MAP1B: variants seen among roughly 807,000 people sequenced by gnomAD.
MAP1B encodes the protein microtubule-associated protein 1B.
In MAP1B, 12 loss-of-function variants were observed where a neutral mutation model predicts 176.1. The observed-to-expected ratio is 0.07, with a 90% CI of 0.04 to 0.11. The LOEUF (loss-of-function observed/expected upper bound fraction) is 0.11. Ranked by LOEUF, MAP1B falls within the 10% of genes least tolerant of loss-of-function variation. The pLI is 1.00. For synonymous variants in MAP1B, 1,044 were observed against 1,135.0 expected (o/e 0.92, Z 1.61); for missense variants, 2,523 against 2,990.5 (o/e 0.84, Z 3.65).
Position 72,196,137 on chromosome 5 carries a change from G to C in MAP1B, c.2782G>C (p.Asp928His), listed in dbSNP as rs1445200213. 5 of 1,613,424 alleles carry C rather than the reference G, an allele frequency of 3.1e-6. No individual in the cohort carries two copies. The highest frequency in any genetic ancestry group is 4.2e-6 in the Non-Finnish European group (5 of 1,179,952). The part of the protein sequence containing the change: ...QGVDDIEKFE[D>H]EGAGFEESSE... The stretch of plus-strand genomic sequence containing the variant: ...AGTAGACGACATTGAAAAATTTGAA[G>C]ATGAAGGAGCCGGTTTTGAAGAATC... Residue 928 changes from aspartate to histidine, a missense_variant, in exon 5 of 7, where the codon GAT (aspartate) becomes CAT (histidine). Asp to His is a moderately conservative substitution (Grantham distance 81). Transcript: ENST00000296755. This position sits in a 1 kb window ranked among gnomAD's most constrained non-coding sequence, Gnocchi z 5.3.
chr5:72,206,479 G>C lies in MAP1B; in HGVS notation c.*1240G>C, dbSNP rs1363621998. 1 of 152,618 alleles carries C rather than the reference G, an allele frequency of 6.6e-6. No individual in the cohort carries two copies. Among genetic ancestry groups the C allele is most frequent in the Non-Finnish European group, 1.5e-5 (1 of 68,040 alleles). 9.5% of individuals were successfully genotyped at this position (152,618 alleles called of 1,614,324 possible). A position where few individuals can be genotyped will look rare whatever the true frequency, so the allele number is the denominator to read the frequency against. On this transcript the variant is annotated 3_prime_UTR_variant, in exon 7 of 7. Coordinates refer to ENST00000296755, the MANE Select transcript of MAP1B (RefSeq NM_005909.5). Reference sequence around the variant, plus strand: ...TTCTATGATCAGAACTGGGAAAACAGTGAATCTTATGGTGGAAGAGGTTCT... The same window carrying C: ...TTCTATGATCAGAACTGGGAAAACACTGAATCTTATGGTGGAAGAGGTTCT...
chr5:72,207,537 TTTTA>T lies in MAP1B; in HGVS notation c.*2305_*2308del, dbSNP rs1344283126. ...TGTTAGGCTTCTCTAGAAATGCAGC[TTTTA>T]TTTATTACCCCATTTCTTTCAAGTC... is the stretch of plus-strand genomic sequence containing the variant. On this transcript the variant is annotated 3_prime_UTR_variant, in exon 7 of 7. Transcript: ENST00000296755. 1.3e-5 allele frequency: 2 copies of T among 152,218 alleles called. No homozygotes were observed. The highest frequency in any genetic ancestry group is 2.9e-5 in the Non-Finnish European group (2 of 68,046). The allele number at this position is 152,218 out of a possible 1,614,324, so 9.4% of individuals were successfully genotyped here. A position where few individuals can be genotyped will look rare whatever the true frequency, so the allele number is the denominator to read the frequency against.
At chr5:72,149,688 C>A (rs569088332) in intron 2 of MAP1B, among the ~76,000 whole-genome samples, 19 of 152,246 alleles carry the variant, frequency 1.2e-4, no homozygotes, top group Non-Finnish European at 2.1e-4. Flanking sequence ...TATTCAGAAC[C>A]ATAGAGATAG....
At chr5:72,191,604 T>C (rs1397909181) in intron 4 of MAP1B, among the ~76,000 whole-genome samples, 3 of 152,238 alleles carry the variant, frequency 2.0e-5, no homozygotes, top group Non-Finnish European at 4.4e-5. Flanking sequence ...TCCATCTGTC[T>C]GTTTTATGAC....
intron 2 of MAP1B, among the ~76,000 whole-genome samples, chr5:72,163,525 C>G (rs1033500624): frequency 6.6e-6 from 1 of 152,148 alleles, no homozygotes; most frequent in Admixed American, 6.6e-5. Context: ...AATAAGGAAT[C>G]TGAGTCATGT....
chr5:72,157,519 C>G (rs577013677), intron 2 of MAP1B, among the ~76,000 whole-genome samples: 3 of 152,314 alleles, frequency 2.0e-5, no homozygotes, highest in East Asian at 1.9e-4. Flanking sequence ...ATGGGATTCC[C>G]GGGGACAGGG....
chr5:72,172,710 G>T (rs897888357), intron 2 of MAP1B, among the ~76,000 whole-genome samples: 3 of 152,220 alleles, frequency 2.0e-5, no homozygotes, highest in Admixed American at 1.3e-4. Flanking sequence ...GGGAAATAAT[G>T]CTAGAAATAT....
Position 72,130,268 on chromosome 5 carries a change from C to T in MAP1B, c.286+14469C>T, listed in dbSNP as rs116545461. Among the ~76,000 whole-genome samples the T allele has an allele frequency of 8.3e-3, 1,267 of 151,792 alleles. 16 individuals carry two copies. Among genetic ancestry groups the T allele is most frequent in the African/African-American group, 0.029 (1,201 of 41,446 alleles). The stretch of plus-strand genomic sequence containing the variant: ...ATACATTGTTTAATCTTTCCGAATT[C>T]TAACTTTTCAGAAATGGCTTTTTCC... On this transcript the variant is annotated intron_variant, in intron 2 of 6. Coordinates refer to ENST00000296755, the MANE Select transcript of MAP1B (RefSeq NM_005909.5).
chr5:72,126,463 T>G (rs892892369), intron 2 of MAP1B, among the ~76,000 whole-genome samples: 1 of 152,158 alleles, frequency 6.6e-6, no homozygotes, highest in African/African-American at 2.4e-5. Context: ...ATAAACTTGT[T>G]CAATTTTGTC....
At chr5:72,179,728 A>G in intron 2 of MAP1B, 1 of 985,432 alleles carries the variant, frequency 1.0e-6, no homozygotes, top group Non-Finnish European at 1.2e-6. Flanking sequence ...CTCTCCCTTT[A>G]AATCCCCTCC....
chr5:72,119,658 C>A (rs966086603), intron 2 of MAP1B, among the ~76,000 whole-genome samples: 8 of 152,232 alleles, frequency 5.3e-5, no homozygotes, highest in African/African-American at 1.9e-4. Flanking sequence ...TAGGTGTGCA[C>A]CATCACACCT....
intron 2 of MAP1B, among the ~76,000 whole-genome samples, chr5:72,121,451 AGTTTT>A: frequency 6.6e-6 from 1 of 152,362 alleles, no homozygotes; most frequent in South Asian, 2.1e-4. Context: ...GTATATGGGC[AGTTTT>A]GTTTTAAGAA....
chr5:72,179,758 A>G (rs1321033864), intron 2 of MAP1B: 2 of 985,312 alleles, frequency 2.0e-6, no homozygotes, highest in Admixed American at 1.2e-4. Context: ...ATCCGATCCT[A>G]TAAAAAGGCT....
At chr5:72,202,246 A>G (rs1255304734) in intron 5 of MAP1B, among the ~76,000 whole-genome samples, 2 of 152,210 alleles carry the variant, frequency 1.3e-5, no homozygotes, top group African/African-American at 4.8e-5. Context: ...GTAGAGGGCG[A>G]AATTGGCAGA....
intron 2 of MAP1B, among the ~76,000 whole-genome samples, chr5:72,137,911 T>C (rs1276176087): frequency 6.6e-6 from 1 of 152,178 alleles, no homozygotes; most frequent in Non-Finnish European, 1.5e-5. Context: ...TTTAAAATAG[T>C]TGACATGGAA....
Position 72,196,842 on chromosome 5 carries a change from A to G in MAP1B, c.3487A>G (p.Thr1163Ala), listed in dbSNP as rs766709740. 30 of 1,613,904 alleles carry G rather than the reference A, an allele frequency of 1.9e-5. No homozygotes were observed. Among genetic ancestry groups the G allele is most frequent in the African/African-American group, 2.7e-5 (2 of 74,922 alleles). ...ESPSQEFVNI[T>A]KYESSLYSQE... ...CCCTTCTCAGGAATTCGTAAATATC[A>G]CCAAATATGAATCTTCATTGTATTC... Residue 1163 changes from threonine to alanine, a missense_variant, in exon 5 of 7, where the codon ACC becomes GCC. Around this residue, in one of 4 missense-constraint regions of MAP1B, gnomAD observed 1,925 missense variants for 2,126.0 expected, o/e 0.91. Transcript: ENST00000296755. The surrounding 1 kb of genome is among the most constrained non-coding windows in gnomAD (Gnocchi z 5.3).
Position 72,122,413 on chromosome 5 carries a change from G to A in MAP1B, c.286+6614G>A, listed in dbSNP as rs559597527. Among the ~76,000 whole-genome samples, 9 of 152,258 alleles carry A rather than the reference G, an allele frequency of 5.9e-5. No individual in the cohort carries two copies. The South Asian group carries it at 6.2e-4, about 11-fold the overall frequency. ...AGAAGATTAGAATTTTATAGTGTAC[G>A]CAGCATAAGGCATAATTCCTGCAAG... On this transcript the variant is annotated intron_variant, in intron 2 of 6. Coordinates refer to ENST00000296755, the MANE Select transcript of MAP1B (RefSeq NM_005909.5).
intron 2 of MAP1B, among the ~76,000 whole-genome samples, chr5:72,141,888 A>G (rs1745954605): frequency 6.6e-6 from 1 of 152,158 alleles, no homozygotes; most frequent in South Asian, 2.1e-4. Flanking sequence ...ACGACAGCAA[A>G]TCCCATTCCA....
rs746451505 is a variant in MAP1B at position 72,195,899 on chromosome 5, C to T, written c.2544C>T (p.Val848=). 28 of 1,614,090 alleles carry T rather than the reference C, an allele frequency of 1.7e-5. No homozygotes were observed. Among genetic ancestry groups the T allele is most frequent in the South Asian group, 6.6e-5 (6 of 91,078 alleles). ...KDFEELKAEE[V]DVTKDIKPQL... ...TTGAAGAGTTAAAGGCTGAAGAGGTCGATGTAACAAAGGACATCAAGCCTC... is the reference window on the plus strand; with the variant it reads ...TTGAAGAGTTAAAGGCTGAAGAGGTTGATGTAACAAAGGACATCAAGCCTC... Residue 848 remains valine, a synonymous_variant, in exon 5 of 7, where the codon GTC becomes GTT. Coordinates refer to ENST00000296755, the MANE Select transcript of MAP1B (RefSeq NM_005909.5).
Sources: allele counts gnomAD v4.1 joint callset (sites outside exome capture counted in the v4.1 genomes callset), GRCh38; gene constraint gnomAD v4.1.1; regional missense constraint gnomAD v4.1.1; non-coding constraint Gnocchi (gnomAD v3.1); transcripts MANE v1.5; gene names NCBI Gene and HGNC (gene_info 2026-07-23, HGNC 2026-07-21).